Variants in IL7 observed in about 807,000 individuals in gnomAD.
IL7 encodes the protein interleukin 7.
A neutral mutation model predicts 21.6 loss-of-function variants in IL7; 3 were observed. The observed-to-expected ratio is 0.14, with a 90% confidence interval of 0.06 to 0.36. The LOEUF (loss-of-function observed/expected upper bound fraction) is 0.36, where lower values mean the gene tolerates loss of function less well. Among genes scored for constraint, IL7 ranks in the 10% least tolerant of loss-of-function variants. IL7 has a pLI of 1.00. For missense variants in IL7, 175 were observed against 200.2 expected, an observed-to-expected ratio of 0.87 and a Z score of 0.76; for synonymous variants, 62 against 68.1, an observed-to-expected ratio of 0.91 and a Z score of 0.44.
At chr8:78,729,924 G>A (rs1811395399), downstream of IL7, among the ~76,000 whole-genome samples, 1 of 151,904 alleles carries the variant, frequency 6.6e-6, no homozygotes, top group Admixed American at 6.6e-5. Context: ...GTTATTAAGA[G>A]TTACTTGTTG....
downstream of IL7, among the ~76,000 whole-genome samples, chr8:78,717,062 A>T (rs917197423): frequency 6.6e-6 from 1 of 152,154 alleles, no homozygotes; most frequent in South Asian, 2.1e-4. Context: ...GTAGTTCTTT[A>T]TAGCAATGTG....
intron 2 of IL7, among the ~76,000 whole-genome samples, chr8:78,755,428 T>C (rs1035769068): frequency 6.6e-6 from 1 of 152,118 alleles, no homozygotes; most frequent in Non-Finnish European, 1.5e-5. Context: ...GTATGGTCAT[T>C]TTAACAATAT....
intron 4 of IL7, among the ~76,000 whole-genome samples, chr8:78,684,901 C>T (rs75610648): frequency 0.01 from 1,529 of 152,200 alleles, 28 homozygotes; most frequent in African/African-American, 0.034. Context: ...TATAGGTAGA[C>T]TCGACCTAAT....
chr8:78,784,514 T>G (rs2130815413), intron 2 of IL7, among the ~76,000 whole-genome samples: 2 of 152,332 alleles, frequency 1.3e-5, no homozygotes, highest in Middle Eastern at 6.8e-3. Context: ...TAACATATAA[T>G]TTTATGCTAC....
intron 3 of IL7, among the ~76,000 whole-genome samples, chr8:78,712,503 C>T (rs777815108): frequency 5.3e-5 from 8 of 151,518 alleles, no homozygotes; most frequent in South Asian, 2.1e-4. Flanking sequence ...TTAGATAAGC[C>T]GATGGTGAAC....
chr8:78,706,992 C>G (rs375686592), intron 3 of IL7, among the ~76,000 whole-genome samples: 1 of 152,168 alleles, frequency 6.6e-6, no homozygotes, highest in East Asian at 1.9e-4. Context: ...ATCAGTAGAT[C>G]AGGTAGTTGA....
chr8:78,741,488 T>C (rs992805436), intron 2 of IL7, among the ~76,000 whole-genome samples: 1 of 152,244 alleles, frequency 6.6e-6, no homozygotes, highest in African/African-American at 2.4e-5. Flanking sequence ...CTACTCTATA[T>C]GTTATCTTCC....
At chr8:78,736,139 A>G (rs751918453) in intron 5 of IL7, among the ~76,000 whole-genome samples, 2 of 150,456 alleles carry the variant, frequency 1.3e-5, no homozygotes, top group Non-Finnish European at 3.0e-5. Flanking sequence ...TTTTTTCTTC[A>G]TGTATTTGTC....
intron 3 of IL7, among the ~76,000 whole-genome samples, chr8:78,694,748 T>A (rs1810343760): frequency 6.6e-6 from 1 of 152,190 alleles, no homozygotes; most frequent in African/African-American, 2.4e-5. Context: ...TCATTAGTCA[T>A]TAGTCTTTGT....
chr8:78,695,422 A>G (rs1351710672), intron 3 of IL7, among the ~76,000 whole-genome samples: 3 of 152,156 alleles, frequency 2.0e-5, no homozygotes, highest in East Asian at 3.8e-4. Flanking sequence ...TTTCCTGCCT[A>G]AAGACTTGAC....
intron 2 of IL7, among the ~76,000 whole-genome samples, chr8:78,780,266 C>T (rs1813284533): frequency 6.6e-6 from 1 of 152,070 alleles, no homozygotes; most frequent in Non-Finnish European, 1.5e-5. Context: ...TTCTTGTCTT[C>T]TGCTAGCTTT....
chr8:78,729,617 G>T (rs1811389649), downstream of IL7, among the ~76,000 whole-genome samples: 1 of 151,968 alleles, frequency 6.6e-6, no homozygotes, highest in Admixed American at 6.6e-5. Context: ...AGAAGGAGAT[G>T]ACGGGGTAGA....
downstream of IL7, among the ~76,000 whole-genome samples, chr8:78,731,116 T>G (rs1348790567): frequency 1.3e-5 from 2 of 152,038 alleles, no homozygotes; most frequent in Non-Finnish European, 2.9e-5. Flanking sequence ...CAAAATGTCC[T>G]TCTTAAGTTG....
intron 2 of IL7, among the ~76,000 whole-genome samples, chr8:78,795,180 C>G (rs1300482028): frequency 6.6e-6 from 1 of 152,078 alleles, no homozygotes; most frequent in Non-Finnish European, 1.5e-5. Flanking sequence ...GAGAACATAA[C>G]AAGCACTTCA....
chr8:78,758,312 G>A (rs908339253), intron 2 of IL7, among the ~76,000 whole-genome samples: 3 of 152,004 alleles, frequency 2.0e-5, no homozygotes, highest in Non-Finnish European at 2.9e-5. Context: ...TTTGATAGCT[G>A]TTTTCTGAAT....
intron 3 of IL7, among the ~76,000 whole-genome samples, chr8:78,698,955 A>G (rs553234359): frequency 6.6e-6 from 1 of 152,192 alleles, no homozygotes; most frequent in South Asian, 2.1e-4. Context: ...GACGCAATAT[A>G]TAAATTGGGA....
At chr8:78,792,491 C>A (rs1449967490) in intron 2 of IL7, among the ~76,000 whole-genome samples, 1 of 151,790 alleles carries the variant, frequency 6.6e-6, no homozygotes, top group Admixed American at 6.6e-5. Context: ...AAAAACAATA[C>A]AAATGATGGG....
At chr8:78,802,434 C>CT (rs1237582264) in intron 1 of IL7, among the ~76,000 whole-genome samples, 8,702 of 143,402 alleles carry the variant, frequency 0.061, 309 homozygotes, top group South Asian at 0.11. Flanking sequence ...TTTTCTCTCT[C>CT]TTTTTTTTTT....
At chr8:78,738,108 T>C (rs1271627066) in intron 4 of IL7, among the ~76,000 whole-genome samples, 6 of 152,284 alleles carry the variant, frequency 3.9e-5, no homozygotes, top group Non-Finnish European at 7.4e-5. Context: ...TATAAAGATA[T>C]TTGTTAAATA....
Sources: gnomAD v4.1 joint callset for allele counts (sites outside exome capture counted in the v4.1 genomes callset) on GRCh38, gnomAD v4.1.1 for gene constraint, MANE v1.5 for transcripts, NCBI Gene and HGNC (gene_info 2026-07-23, HGNC 2026-07-21) for gene names.